The following LRP1B variants were observed in gnomAD, a reference collection of about 807,000 sequenced individuals.
LRP1B encodes LDL receptor related protein 1B, also known as low-density lipoprotein receptor-related protein 1B.
LRP1B carries 217 observed loss-of-function variants against 556.6 expected under a neutral mutation model. The observed-to-expected ratio is 0.39, with a 90% CI of 0.35 to 0.44. The LOEUF (loss-of-function observed/expected upper bound fraction) is 0.44, where lower values mean the gene tolerates loss of function less well. LRP1B is among the 20% of genes least tolerant of loss of function. The probability of loss-of-function intolerance (pLI) is 1.00; values close to 1 mark genes in which losing one functional copy is unlikely to be tolerated. For missense variants in LRP1B, 5,053 were observed against 5,620.8 expected, an observed-to-expected ratio of 0.90 and a Z score of 3.23; for synonymous variants, 2,047 against 1,865.8, an observed-to-expected ratio of 1.10 and a Z score of -2.50.
intron 29 of LRP1B, among the ~76,000 whole-genome samples, chr2:140,849,584 T>C (rs1422071223): frequency 6.6e-6 from 1 of 152,064 alleles, no homozygotes; most frequent in Non-Finnish European, 1.5e-5. Flanking sequence ...TTCTTGCCCA[T>C]GCTGGAGCAC....
chr2:141,395,916 G>A (rs1045691852), intron 3 of LRP1B, among the ~76,000 whole-genome samples: 20 of 152,172 alleles, frequency 1.3e-4, no homozygotes, highest in African/African-American at 4.8e-4. Flanking sequence ...GCTAGATAAA[G>A]TTGTGTACTT....
chr2:141,526,547 G>C (rs1460209016), intron 2 of LRP1B, among the ~76,000 whole-genome samples: 1 of 151,986 alleles, frequency 6.6e-6, no homozygotes, highest in Non-Finnish European at 1.5e-5. Flanking sequence ...TTCCTCTAGA[G>C]TGGGTGGAAT....
chr2:141,283,433 G>A (rs1212002079), intron 3 of LRP1B, among the ~76,000 whole-genome samples: 1 of 151,944 alleles, frequency 6.6e-6, no homozygotes, highest in Admixed American at 6.6e-5. Context: ...CGGGGGAGGT[G>A]GGGAGGTGGT....
chr2:141,190,800 C>G (rs111284783), intron 6 of LRP1B, among the ~76,000 whole-genome samples: 4,967 of 152,006 alleles, frequency 0.033, 101 homozygotes, highest in Middle Eastern at 0.051. Context: ...GAGTGACAAG[C>G]TTATGAACAG....
intron 3 of LRP1B, among the ~76,000 whole-genome samples, chr2:141,271,732 A>G (rs1394037261): frequency 3.3e-5 from 5 of 151,560 alleles, no homozygotes; most frequent in African/African-American, 9.7e-5. Context: ...TTCTTTAGAC[A>G]CAGAACAATT....
In LRP1B at chr2:140,324,201, A is replaced by G. The variant is rs772645070; in HGVS notation, c.12341-135T>C. ...CTTTCAGAATTGGAATATTTACAAT[A>G]TTAGCTATGAAGTTCTTAGAATTAA... On this transcript the variant is annotated intron_variant, in intron 80 of 90. Transcript: ENST00000389484. 127 of 525,510 alleles carry G rather than the reference A, an allele frequency of 2.4e-4. 1 individual carries two copies. Among genetic ancestry groups the G allele is most frequent in the Non-Finnish European group, 3.9e-4 (114 of 293,914 alleles). 32.6% of individuals were successfully genotyped at this position (525,510 alleles called of 1,614,324 possible).
At chr2:141,589,173 C>T (rs1687240661) in intron 2 of LRP1B, among the ~76,000 whole-genome samples, 1 of 152,114 alleles carries the variant, frequency 6.6e-6, no homozygotes, top group East Asian at 1.9e-4. Context: ...ACAAAAACAA[C>T]ATAACAGCTA....
At chr2:141,651,876 AT>A (rs1689805842) in intron 2 of LRP1B, among the ~76,000 whole-genome samples, 1 of 152,200 alleles carries the variant, frequency 6.6e-6, no homozygotes, top group South Asian at 2.1e-4. Context: ...TTAATTAAAC[AT>A]TTTAAATATA....
At chr2:141,466,198 G>A (rs1217694707) in intron 3 of LRP1B, among the ~76,000 whole-genome samples, 3 of 152,062 alleles carry the variant, frequency 2.0e-5, no homozygotes, top group Non-Finnish European at 4.4e-5. Flanking sequence ...AAATATTTTT[G>A]TTTATATAAT....
intron 41 of LRP1B, among the ~76,000 whole-genome samples, chr2:140,646,012 TTAGA>T (rs1386533857): frequency 1.3e-5 from 2 of 152,158 alleles, no homozygotes; most frequent in Non-Finnish European, 2.9e-5. Flanking sequence ...ATTTTAGAGT[TTAGA>T]TAGACTCCAA....
intron 27 of LRP1B, among the ~76,000 whole-genome samples, chr2:140,865,003 A>C (rs558964399): frequency 2.6e-5 from 4 of 152,202 alleles, no homozygotes; most frequent in South Asian, 2.1e-4. Flanking sequence ...CATGCCATTA[A>C]TTCTAAGCTT....
rs2104881459 is a variant in LRP1B at position 140,238,193 on chromosome 2, C to A, written c.13519G>T (p.Gly4507Ter). ...ATAAAGCCAGGATCTAAAAGACCTC[C>A]ATCGTTGTGATCATGATCTACCTCA... ...MYEVDHDHND[G>*]GLLDPGFMID... Residue 4507 changes from glycine (G) to a stop codon, truncating the protein, a stop_gained, in exon 89 of 91, where the codon GGA becomes TGA. Transcript: ENST00000389484. LOFTEE classifies it high-confidence loss of function. The A allele has an allele frequency of 6.2e-7, 1 of 1,605,492 alleles. No homozygotes were observed. Among genetic ancestry groups the A allele is most frequent in the Non-Finnish European group, 8.5e-7 (1 of 1,174,652 alleles).
chr2:140,505,979 T>C (rs987329881), intron 53 of LRP1B, among the ~76,000 whole-genome samples: 1 of 152,112 alleles, frequency 6.6e-6, no homozygotes, highest in African/African-American at 2.4e-5. Context: ...AGATATTATA[T>C]ATAACATAGA....
intron 37 of LRP1B, among the ~76,000 whole-genome samples, chr2:140,706,399 A>G (rs1272765073): frequency 6.6e-6 from 1 of 152,204 alleles, no homozygotes; most frequent in African/African-American, 2.4e-5. Flanking sequence ...CAAATGCTAT[A>G]TTGTGTAACT....
chr2:141,505,929 C>T (rs1183722806), intron 2 of LRP1B, among the ~76,000 whole-genome samples: 1 of 152,070 alleles, frequency 6.6e-6, no homozygotes, highest in South Asian at 2.1e-4. Flanking sequence ...TATGCACCAA[C>T]CACTGTCATT....
intron 7 of LRP1B, among the ~76,000 whole-genome samples, chr2:141,073,133 A>G (rs1286486205): frequency 1.3e-5 from 2 of 152,104 alleles, no homozygotes; most frequent in Non-Finnish European, 1.5e-5. Context: ...TCCATGCTGC[A>G]TTTACATCCA....
At chr2:141,345,146 C>A in intron 3 of LRP1B, among the ~76,000 whole-genome samples, 1 of 150,138 alleles carries the variant, frequency 6.7e-6, no homozygotes, top group Non-Finnish European at 1.5e-5. Context: ...TTAAGGATAG[C>A]AGGTAGATTT....
intron 7 of LRP1B, among the ~76,000 whole-genome samples, chr2:141,112,966 G>A (rs546864448): frequency 6.6e-6 from 1 of 152,164 alleles, no homozygotes; most frequent in South Asian, 2.1e-4. Flanking sequence ...AAAATTATAG[G>A]CTGATACAGA....
Position 140,378,170 on chromosome 2 carries a change from A to G in LRP1B, c.10638+10T>C, listed in dbSNP as rs200959210. On this transcript the variant is annotated intron_variant, in intron 68 of 90. Coordinates refer to ENST00000389484, the MANE Select transcript of LRP1B (RefSeq NM_018557.3). ...CGCTGCTTTCTTTTTGATTTTACAAAGATGCCTACCTCATCAGAGCCATCT... is the reference window on the plus strand; with the variant it reads ...CGCTGCTTTCTTTTTGATTTTACAAGGATGCCTACCTCATCAGAGCCATCT... 8.2e-5 allele frequency: 129 copies of G among 1,578,782 alleles called. 1 individual carries two copies. In the Middle Eastern group the frequency reaches 1.2e-3, roughly 14 times the overall value.
Sources: gnomAD v4.1 joint callset for allele counts (sites outside exome capture counted in the v4.1 genomes callset) on GRCh38, gnomAD v4.1.1 for gene constraint, MANE v1.5 for transcripts, NCBI Gene and HGNC (gene_info 2026-07-23, HGNC 2026-07-21) for gene names.